POTED: variants seen among roughly 807,000 people sequenced by gnomAD.
The protein encoded by POTED is ANKRD26-like family B member 3.
In POTED, 7 loss-of-function variants were observed where a neutral mutation model predicts 19.0. That is an observed-to-expected ratio of 0.37 (90% CI 0.21 to 0.69). POTED has a LOEUF of 0.69. Among genes scored for constraint, POTED ranks in the 30% least tolerant of loss-of-function variants. The probability of loss-of-function intolerance (pLI) is 0.56; values close to 1 mark genes in which losing one functional copy is unlikely to be tolerated. For missense variants in POTED, 54 were observed against 278.5 expected (o/e 0.19, Z 5.74); for synonymous variants, 16 against 92.0 (o/e 0.17, Z 4.73).
chr21:13,645,576 G>A lies in POTED; in HGVS notation c.*4010G>A, dbSNP rs1357839927. Among the ~76,000 whole-genome samples the A allele has an allele frequency of 1.6e-5, 2 of 122,318 alleles. No homozygotes were observed. 80.2% of individuals were successfully genotyped at this position (122,318 alleles called of 152,430 possible). The stretch of plus-strand genomic sequence containing the variant: ...GACCTACCTTACAAGAGCTCCTGAA[G>A]GAAGCACTAAATATGGAAAGAAAAG... On this transcript the variant is annotated 3_prime_UTR_variant, in exon 11 of 11. Coordinates refer to ENST00000299443, the MANE Select transcript of POTED (RefSeq NM_174981.6).
At chr21:13,614,067 C>A (rs1466755603) in intron 1 of POTED, among the ~76,000 whole-genome samples, 1 of 104,800 alleles carries the variant, frequency 9.5e-6, no homozygotes, top group Non-Finnish European at 1.9e-5. Flanking sequence ...GCACCTGTAT[C>A]CCCGAATGTA....
At position 13,639,879 on chromosome 21, in the gene POTED, G is replaced by T. The variant is rs1480174135; in HGVS notation, c.1533+241G>T. Among the ~76,000 whole-genome samples, 2 of 64,134 alleles carry T rather than the reference G, an allele frequency of 3.1e-5. 1 individual carries two copies. Among genetic ancestry groups the T allele is most frequent in the Non-Finnish European group, 5.2e-5 (2 of 38,296 alleles). 42.1% of individuals were successfully genotyped at this position (64,134 alleles called of 152,430 possible). On this transcript the variant is annotated intron_variant, in intron 10 of 10. Transcript: ENST00000299443. The stretch of plus-strand genomic sequence containing the variant: ...GTTCTTAATTCAACTGCATTTGCCT[G>T]CAACAGTCGAGTAGTGACCTTCACA...
At chr21:13,619,330 T>G in intron 4 of POTED, among the ~76,000 whole-genome samples, 1 of 60,040 alleles carries the variant, frequency 1.7e-5, no homozygotes, top group Admixed American at 1.5e-4. Context: ...GATGACGAGT[T>G]AGTGGGTGCA....
chr21:13,631,197 T>A lies in POTED; in HGVS notation c.1409+90T>A. 2.4e-6 allele frequency: 2 copies of A among 826,708 alleles called. 1 individual carries two copies. The allele number at this position is 826,708 out of a possible 1,614,324, so 51.2% of individuals were successfully genotyped here. On this transcript the variant is annotated intron_variant, in intron 9 of 10. Coordinates refer to ENST00000299443, the MANE Select transcript of POTED (RefSeq NM_174981.6). ...TAATATTCATGATGAACAAATTTTA[T>A]ACTTTTACTAGAATATTCAGCCTTG...
intron 1 of POTED, among the ~76,000 whole-genome samples, chr21:13,614,089 A>G (rs2123207193): frequency 1.9e-5 from 2 of 106,138 alleles, no homozygotes; most frequent in South Asian, 2.9e-4. Context: ...AAGTTGAGAA[A>G]AGCTCCACAA....
intron 5 of POTED, 107 bp downstream of exon 5, chr21:13,620,402 GT>G: frequency 3.5e-6 from 1 of 284,162 alleles, no homozygotes; most frequent in Non-Finnish European, 5.3e-6. Flanking sequence ...GGTTCAGGTA[GT>G]TTTAGATTGG....
In POTED at chr21:13,612,594, C is replaced by A. The variant is rs1018849638; in HGVS notation, c.521+1845C>A. On this transcript the variant is annotated intron_variant, in intron 1 of 10. Transcript: ENST00000299443. ...TACTTGCTGAAAGTTTAAGTTGCTG[C>A]GACTTTTCAAATAGACACTTTGATG... Among the ~76,000 whole-genome samples the A allele has an allele frequency of 2.4e-5, 2 of 84,680 alleles. 1 individual carries two copies. Among genetic ancestry groups the A allele is most frequent in the African/African-American group, 1.7e-4 (2 of 11,484 alleles). The allele number at this position is 84,680 out of a possible 152,430, so 55.6% of individuals were successfully genotyped here.
chr21:13,633,699 T>C (rs2011223530), intron 9 of POTED, among the ~76,000 whole-genome samples: 1 of 76,536 alleles, frequency 1.3e-5, no homozygotes, highest in African/African-American at 1.0e-4. Context: ...GCCTCCTGGG[T>C]TCAAGCGATT....
In POTED at chr21:13,641,722, GA is replaced by G; in HGVS notation, c.*159del. The G allele has an allele frequency of 1.1e-5, 3 of 284,966 alleles. 1 individual carries two copies. Among genetic ancestry groups the G allele is most frequent in the Admixed American group, 5.9e-5 (1 of 16,956 alleles). 17.7% of individuals were successfully genotyped at this position (284,966 alleles called of 1,614,324 possible). On this transcript the variant is annotated 3_prime_UTR_variant, in exon 11 of 11. Transcript: ENST00000299443. ...TGATTGTGATCAAAGTCAGATAGCT[GA>G]AAGGGACTTCTTTCCAGAGAACAAA...
At chr21:13,614,113 T>G (rs2011151002) in intron 1 of POTED, among the ~76,000 whole-genome samples, 1 of 109,768 alleles carries the variant, frequency 9.1e-6, no homozygotes, top group African/African-American at 4.0e-5. Flanking sequence ...GTTTCATAAA[T>G]CCATTTTAAA....
At chr21:13,617,234 A>AT (rs201983585) in intron 3 of POTED, among the ~76,000 whole-genome samples, 1 of 30,196 alleles carries the variant, frequency 3.3e-5, no homozygotes, top group Non-Finnish European at 5.2e-5. Flanking sequence ...CTGTTTTTGT[A>AT]TTTTTTTTTT....
rs938699304 is a variant in POTED at position 13,626,339 on chromosome 21, TAA to T, written c.1127-2042_1127-2041del. On this transcript the variant is annotated intron_variant, in intron 6 of 10. Coordinates refer to ENST00000299443, the MANE Select transcript of POTED (RefSeq NM_174981.6). ...ATAAAGCACCTTCCCAAACAAATAT[TAA>T]GTGATTTATTATAATTTCTATGACT... 6.2e-5 allele frequency among the ~76,000 whole-genome samples: 4 copies of T among 64,272 alleles called. 2 individuals are homozygous for T. Among genetic ancestry groups the T allele is most frequent in the Non-Finnish European group, 1.0e-4 (4 of 38,114 alleles). The allele number at this position is 64,272 out of a possible 152,430, so 42.2% of individuals were successfully genotyped here. A position where few individuals can be genotyped will look rare whatever the true frequency, so the allele number is the denominator to read the frequency against.
At chr21:13,639,796 A>ACG (rs2011257747) in intron 10 of POTED, among the ~76,000 whole-genome samples, 158 bp downstream of exon 10, 1 of 77,140 alleles carries the variant, frequency 1.3e-5, no homozygotes, top group Non-Finnish European at 2.3e-5. Context: ...ACACACACAC[A>ACG]CACACCCTGT....
At position 13,613,261 on chromosome 21, in the gene POTED, GATTA is replaced by G. The variant is rs1415409989; in HGVS notation, c.522-1857_522-1854del. Among the ~76,000 whole-genome samples the G allele has an allele frequency of 6.0e-4, 27 of 44,882 alleles. 6 individuals carry two copies. The highest frequency in any genetic ancestry group is 3.9e-3 in the Admixed American group (19 of 4,854). The allele number at this position is 44,882 out of a possible 152,430, so 29.4% of individuals were successfully genotyped here. ...TATAGATTAATGTGTAAATAGTATG[GATTA>G]ATTATTTTAGTTTAGTTATATATTT... On this transcript the variant is annotated intron_variant, in intron 1 of 10. Coordinates refer to ENST00000299443, the MANE Select transcript of POTED (RefSeq NM_174981.6).
At position 13,641,429 on chromosome 21, in the gene POTED, C is replaced by T. The variant is rs1211289348; in HGVS notation, c.1618C>T (p.Leu540=). The change falls in exon 11 of 11, where the codon CTA becomes TTA. Residue 540 remains leucine, a synonymous_variant. Coordinates refer to ENST00000299443, the MANE Select transcript of POTED (RefSeq NM_174981.6). ...AGAAATTGCCATGCTAAGACTGGAA[C>T]TAGATGAAACAAAACATCAGAACCA... The part of the protein sequence containing the change: ...QEEIAMLRLE[L]DETKHQNQLR... The T allele has an allele frequency of 9.4e-7, 1 of 1,065,408 alleles. No individual in the cohort carries two copies. Among genetic ancestry groups the T allele is most frequent in the Admixed American group, 2.4e-5 (1 of 41,236 alleles). The allele number at this position is 1,065,408 out of a possible 1,614,324, so 66.0% of individuals were successfully genotyped here. A position where few individuals can be genotyped will look rare whatever the true frequency, so the allele number is the denominator to read the frequency against.
chr21:13,627,688 A>G (rs2011192252), intron 6 of POTED, among the ~76,000 whole-genome samples: 1 of 34,388 alleles, frequency 2.9e-5, no homozygotes, highest in Non-Finnish European at 4.6e-5. Context: ...TGAGCCCTGA[A>G]CAAAGACAGG....
rs576240755 is a variant in POTED at position 13,611,166 on chromosome 21, C to A, written c.521+417C>A. ...CCAATATGGATTTTATATCGATGTA[C>A]CCCTATGTAAATACGTTCTTTACTG... On this transcript the variant is annotated intron_variant, in intron 1 of 10. Coordinates refer to ENST00000299443, the MANE Select transcript of POTED (RefSeq NM_174981.6). Among the ~76,000 whole-genome samples, 33 of 78,840 alleles carry A rather than the reference C, an allele frequency of 4.2e-4. 12 individuals are homozygous for A. Among genetic ancestry groups the A allele is most frequent in the Non-Finnish European group, 1.1e-4 (5 of 45,178 alleles). The allele number at this position is 78,840 out of a possible 152,430, so 51.7% of individuals were successfully genotyped here. A position where few individuals can be genotyped will look rare whatever the true frequency, so the allele number is the denominator to read the frequency against.
rs1172102732 is a variant in POTED at position 13,640,511 on chromosome 21, G to A, written c.1534-834G>A. On this transcript the variant is annotated intron_variant, in intron 10 of 10. Coordinates refer to ENST00000299443, the MANE Select transcript of POTED (RefSeq NM_174981.6). ...AGAAGACCTGGCAAAAATCCTGCAC[G>A]TTGCATATATACGTGTGTGTGTGTG... Among the ~76,000 whole-genome samples the A allele has an allele frequency of 6.1e-5, 5 of 81,670 alleles. 1 individual carries two copies. Among genetic ancestry groups the A allele is most frequent in the African/African-American group, 1.8e-4 (2 of 10,962 alleles). 53.6% of individuals were successfully genotyped at this position (81,670 alleles called of 152,430 possible).
rs1328637381 is a variant in POTED at position 13,639,804 on chromosome 21, T to C, written c.1533+166T>C. Among the ~76,000 whole-genome samples, 6 of 76,052 alleles carry C rather than the reference T, an allele frequency of 7.9e-5. 2 individuals carry two copies. The highest frequency in any genetic ancestry group is 1.4e-4 in the Non-Finnish European group (6 of 43,738). 49.9% of individuals were successfully genotyped at this position (76,052 alleles called of 152,430 possible). On this transcript the variant is annotated intron_variant, in intron 10 of 10. Coordinates refer to ENST00000299443, the MANE Select transcript of POTED (RefSeq NM_174981.6). ...TATACACACACACACACACACACCC[T>C]GTATATCCTTGGTCATATATTTATA...
Sources: allele counts gnomAD v4.1 joint callset (sites outside exome capture counted in the v4.1 genomes callset), GRCh38; gene constraint gnomAD v4.1.1; transcripts MANE v1.5; gene names NCBI Gene and HGNC (gene_info 2026-07-23, HGNC 2026-07-21).